Variants in SLC22A23 observed in about 807,000 individuals in gnomAD.
SLC22A23 encodes the protein ion transporter protein.
SLC22A23 carries 26 observed loss-of-function variants against 61.0 expected under a neutral mutation model. The observed-to-expected ratio is 0.43, with a 90% CI of 0.31 to 0.59. The LOEUF is 0.59. SLC22A23 is among the 20% of genes least tolerant of loss of function. The probability of loss-of-function intolerance (pLI) is 0.11; values close to 1 mark genes in which losing one functional copy is unlikely to be tolerated. For synonymous variants in SLC22A23, 430 were observed against 413.9 expected (o/e 1.04, Z -0.47); for missense variants, 796 against 934.7 (o/e 0.85, Z 1.94).
In SLC22A23 at chr6:3,269,222, G is replaced by A. The variant is rs1244808218; in HGVS notation, c.*3833C>T. The A allele has an allele frequency of 6.6e-6, 1 of 152,316 alleles. No individual in the cohort carries two copies. The highest frequency in any genetic ancestry group is 2.4e-5 in the African/African-American group (1 of 41,446). 9.4% of individuals were successfully genotyped at this position (152,316 alleles called of 1,614,324 possible). ...GAGAGTGGCACTTGGTAAACAGTGT[G>A]TGTTTAATCCAGCCTCTGCCTCTGA... On this transcript the variant is annotated 3_prime_UTR_variant, in exon 10 of 10. Transcript: ENST00000406686.
At position 3,386,493 on chromosome 6, in the gene SLC22A23, T is replaced by C. The variant is rs569650949; in HGVS notation, c.913+23695A>G. Among the ~76,000 whole-genome samples the C allele has an allele frequency of 6.6e-6, 1 of 152,268 alleles. No homozygotes were observed. Among genetic ancestry groups the C allele is most frequent in the East Asian group, 1.9e-4 (1 of 5,172 alleles). On this transcript the variant is annotated intron_variant, in intron 3 of 9. Transcript: ENST00000406686. This position sits in a 1 kb window ranked among gnomAD's most constrained non-coding sequence, Gnocchi z 4.4. ...TCTGGAAAGTGGGGGAGGGTCTGAA[T>C]AAAGCAGCCAACAGGAGGCTCCGGG...
chr6:3,273,999 T>A (rs1758674926), intron 9 of SLC22A23, among the ~76,000 whole-genome samples: 1 of 152,126 alleles, frequency 6.6e-6, no homozygotes, highest in African/African-American at 2.4e-5. Context: ...TTGGAAACGG[T>A]CCCATCTCTG....
rs1046433213 is a variant in SLC22A23, at chr6:3,333,726, G to C, written c.914-9724C>G. Among the ~76,000 whole-genome samples the C allele has an allele frequency of 1.3e-5, 2 of 152,156 alleles. No individual in the cohort carries two copies. The highest frequency in any genetic ancestry group is 2.9e-5 in the Non-Finnish European group (2 of 68,032). ...GAGAGTGCCTCCCCGACAGTGGTTTGCAAGTGTGGCCCCAGACCTGCAGCA... is the reference window on the plus strand; with the variant it reads ...GAGAGTGCCTCCCCGACAGTGGTTTCCAAGTGTGGCCCCAGACCTGCAGCA... On this transcript the variant is annotated intron_variant, in intron 3 of 9. Transcript: ENST00000406686. This position sits in a 1 kb window ranked among gnomAD's most constrained non-coding sequence, Gnocchi z 4.1.
rs1180722000 is a variant in SLC22A23, at chr6:3,414,721, C to A, written c.758+1031G>T. 1.6e-3 allele frequency among the ~76,000 whole-genome samples: 141 copies of A among 89,334 alleles called. No individual in the cohort carries two copies. Among genetic ancestry groups the A allele is most frequent in the Admixed American group, 2.1e-3 (16 of 7,584 alleles). 58.6% of individuals were successfully genotyped at this position (89,334 alleles called of 152,430 possible). ...TCAAGGCCAAGATGTCTCGATTCACCAAAAAAAAAAAAAAAAAAAAAAATC... is the reference window on the plus strand; with the variant it reads ...TCAAGGCCAAGATGTCTCGATTCACAAAAAAAAAAAAAAAAAAAAAAAATC... On this transcript the variant is annotated intron_variant, in intron 2 of 9. Transcript: ENST00000406686. This position sits in a 1 kb window ranked among gnomAD's most constrained non-coding sequence, Gnocchi z 5.1.
At chr6:3,421,034 G>A (rs1011080408) in intron 1 of SLC22A23, among the ~76,000 whole-genome samples, 7 of 151,872 alleles carry the variant, frequency 4.6e-5, no homozygotes, top group Admixed American at 1.3e-4. Context: ...CTGGAAGACA[G>A]AAGCTGCAGT....
At position 3,386,819 on chromosome 6, in the gene SLC22A23, A is replaced by C. The variant is rs1280360828; in HGVS notation, c.913+23369T>G. ...TGCATACTCTGATGCTGACACACGGACCTGGCAGCAACATGGGGAACAAGG... is the reference window on the plus strand; with the variant it reads ...TGCATACTCTGATGCTGACACACGGCCCTGGCAGCAACATGGGGAACAAGG... On this transcript the variant is annotated intron_variant, in intron 3 of 9. Transcript: ENST00000406686. This position sits in a 1 kb window ranked among gnomAD's most constrained non-coding sequence, Gnocchi z 4.4. 6.6e-6 allele frequency among the ~76,000 whole-genome samples: 1 copy of C among 152,172 alleles called. No homozygotes were observed. Among genetic ancestry groups the C allele is most frequent in the East Asian group, 1.9e-4 (1 of 5,190 alleles).
At chr6:3,283,758 C>G (rs1331763008) in intron 9 of SLC22A23, 94 bp downstream of exon 9, 1 of 1,577,696 alleles carries the variant, frequency 6.3e-7, no homozygotes, top group East Asian at 2.3e-5. Flanking sequence ...AGAGACAGAG[C>G]TGACGCTGGT....
At position 3,446,063 on chromosome 6, in the gene SLC22A23, G is replaced by C. The variant is rs886492690; in HGVS notation, c.654+9843C>G. On this transcript the variant is annotated intron_variant, in intron 1 of 9. Coordinates refer to ENST00000406686, the MANE Select transcript of SLC22A23 (RefSeq NM_015482.2). ...AATCTGCCCAGAGAGGTGTTCTGCG[G>C]AAGTCCACCCATGCAAAGCCACAGC... is the stretch of plus-strand genomic sequence containing the variant. 2.0e-5 allele frequency among the ~76,000 whole-genome samples: 3 copies of C among 152,194 alleles called. No homozygotes were observed. In the East Asian group the frequency reaches 5.8e-4, roughly 29 times the overall value.
rs536842974 is a variant in SLC22A23, at chr6:3,386,743, T to C, written c.913+23445A>G. The stretch of plus-strand genomic sequence containing the variant: ...AGCGTGGGAGGGGTGGAGGCGGCAG[T>C]GGGACTGGGTCTCCCACCCAGGGCA... On this transcript the variant is annotated intron_variant, in intron 3 of 9. Transcript: ENST00000406686. The surrounding 1 kb of genome is among the most constrained non-coding windows in gnomAD (Gnocchi z 4.4). 9.9e-5 allele frequency among the ~76,000 whole-genome samples: 15 copies of C among 152,270 alleles called. No individual in the cohort carries two copies. Among genetic ancestry groups the C allele is most frequent in the African/African-American group, 3.4e-4 (14 of 41,562 alleles).
In SLC22A23 at chr6:3,387,874, C is replaced by T. The variant is rs550821673; in HGVS notation, c.913+22314G>A. Among the ~76,000 whole-genome samples the T allele has an allele frequency of 6.6e-6, 1 of 152,290 alleles. No homozygotes were observed. Among genetic ancestry groups the T allele is most frequent in the East Asian group, 1.9e-4 (1 of 5,186 alleles). On this transcript the variant is annotated intron_variant, in intron 3 of 9. Coordinates refer to ENST00000406686, the MANE Select transcript of SLC22A23 (RefSeq NM_015482.2). This position sits in a 1 kb window ranked among gnomAD's most constrained non-coding sequence, Gnocchi z 5.0. Reference sequence around the variant, plus strand: ...TGGCAGGAAAGGAGAAGGCAGGCCGCAGCGAGGATGTCCTGGCAGCCCACG... The same window carrying T: ...TGGCAGGAAAGGAGAAGGCAGGCCGTAGCGAGGATGTCCTGGCAGCCCACG...
chr6:3,364,010 G>C (rs1389286904), intron 3 of SLC22A23, among the ~76,000 whole-genome samples: 1 of 152,216 alleles, frequency 6.6e-6, no homozygotes, highest in African/African-American at 2.4e-5. Flanking sequence ...CCTGGCCCAT[G>C]GGCCCACACA....
chr6:3,383,111 C>G, intron 3 of SLC22A23, among the ~76,000 whole-genome samples: 1 of 152,106 alleles, frequency 6.6e-6, no homozygotes, highest in East Asian at 1.9e-4. Context: ...CAAATGATAG[C>G]AGCATATTCA....
intron 1 of SLC22A23, among the ~76,000 whole-genome samples, chr6:3,428,441 T>G (rs1202394103): frequency 6.6e-6 from 1 of 152,202 alleles, no homozygotes; most frequent in Non-Finnish European, 1.5e-5. Flanking sequence ...GCCCTTCTGC[T>G]GTAGTACTAA....
chr6:3,447,135 C>T (rs570691881), intron 1 of SLC22A23, among the ~76,000 whole-genome samples: 41 of 152,316 alleles, frequency 2.7e-4, no homozygotes, highest in African/African-American at 9.1e-4. Context: ...GTTCTTAGCA[C>T]GGTTTATAAG....
At position 3,323,377 on chromosome 6, in the gene SLC22A23, A is replaced by C. The variant is rs1763078598; in HGVS notation, c.1082+457T>G. ...TAAAACTTTATTTACAAAAACAGAC[A>C]GTGGGCCTGATGTGGCCCACAGGCT... is the stretch of plus-strand genomic sequence containing the variant. On this transcript the variant is annotated intron_variant, in intron 4 of 9. Coordinates refer to ENST00000406686, the MANE Select transcript of SLC22A23 (RefSeq NM_015482.2). The C allele has an allele frequency of 1.1e-5, 5 of 457,582 alleles. No homozygotes were observed. The Admixed American group carries it at 1.2e-4, about 11-fold the overall frequency. The allele number at this position is 457,582 out of a possible 1,614,324, so 28.3% of individuals were successfully genotyped here.
chr6:3,280,641 G>C (rs12178148), intron 9 of SLC22A23, among the ~76,000 whole-genome samples: 4 of 150,778 alleles, frequency 2.7e-5, no homozygotes, highest in Non-Finnish European at 4.4e-5. Context: ...GACTACAGGC[G>C]CCCGCCACCA....
chr6:3,422,355 G>C (rs1770199371), intron 1 of SLC22A23, among the ~76,000 whole-genome samples: 5 of 152,162 alleles, frequency 3.3e-5, no homozygotes, highest in Admixed American at 2.0e-4. Flanking sequence ...CACCCTGGAA[G>C]ATGAGTCACA....
chr6:3,420,972 A>C (rs1215960756), intron 1 of SLC22A23, among the ~76,000 whole-genome samples: 1 of 152,092 alleles, frequency 6.6e-6, no homozygotes, highest in African/African-American at 2.4e-5. Context: ...GTGGTGGTGC[A>C]TGCCTGTAAT....
chr6:3,336,890 G>A (rs1393514862), intron 3 of SLC22A23, among the ~76,000 whole-genome samples: 2 of 147,648 alleles, frequency 1.4e-5, no homozygotes, highest in African/African-American at 5.0e-5. Flanking sequence ...TTGACCTCCT[G>A]GGCTCCAGTG....
Sources: gnomAD v4.1 joint callset for allele counts (sites outside exome capture counted in the v4.1 genomes callset) on GRCh38, gnomAD v4.1.1 for gene constraint, Gnocchi (gnomAD v3.1) non-coding constraint, MANE v1.5 for transcripts, NCBI Gene and HGNC (gene_info 2026-07-23, HGNC 2026-07-21) for gene names.